The following MYL1 variants were observed in gnomAD, a reference collection of about 807,000 sequenced individuals.
The protein encoded by MYL1 is myosin light chain 1, also known as myosin light chain 1/3, skeletal muscle isoform.
In MYL1, 16 loss-of-function variants were observed where a neutral mutation model predicts 21.8. The ratio of observed to expected loss-of-function variants is 0.74; its 90% CI spans 0.50 to 1.12. The LOEUF (loss-of-function observed/expected upper bound fraction) is 1.12. Ranked by LOEUF, MYL1 falls within the 50% of genes most tolerant of loss-of-function variation. The probability of loss-of-function intolerance (pLI) is 0.00; values close to 1 mark genes in which losing one functional copy is unlikely to be tolerated. For synonymous variants in MYL1, 99 were observed against 85.2 expected (o/e 1.16, Z -0.89); for missense variants, 246 against 241.0 (o/e 1.02, Z -0.14).
intron 4 of MYL1, among the ~76,000 whole-genome samples, 157 bp from the exon 5 acceptor site, chr2:210,293,957 G>C (rs1207161840): frequency 6.6e-6 from 1 of 152,098 alleles, no homozygotes; most frequent in Non-Finnish European, 1.5e-5. Context: ...TCAACTAATT[G>C]GTTTTTGAAT....
Position 210,315,091 on chromosome 2 carries a change from G to T in MYL1, c.-49C>A. The T allele has an allele frequency of 6.3e-7, 1 of 1,582,090 alleles. No homozygotes were observed. The highest frequency in any genetic ancestry group is 8.5e-7 in the Non-Finnish European group (1 of 1,172,452). ...AAAAAGAGAAGGAGTTCCTCCAAAA[G>T]AACCTGTCAAAATGATTCTTGGAAG... On this transcript the variant is annotated 5_prime_UTR_variant, in exon 1 of 7. Coordinates refer to ENST00000352451, the MANE Select transcript of MYL1 (RefSeq NM_079420.3).
At position 210,302,516 on chromosome 2, in the gene MYL1, C is replaced by T; in HGVS notation, c.133-1G>A. The T allele has an allele frequency of 2.5e-6, 4 of 1,609,704 alleles. No individual in the cohort carries two copies. The highest frequency in any genetic ancestry group is 3.4e-6 in the Non-Finnish European group (4 of 1,178,716). ...CCTGCTGTTCCTTAGAGAACTCGAT[C>T]TGTTAGAAAGAAATTGACCACAAAG... On this transcript the variant is annotated splice_acceptor_variant, in intron 1 of 6. Coordinates refer to ENST00000352451, the MANE Select transcript of MYL1 (RefSeq NM_079420.3). LOFTEE classifies it high-confidence loss of function.
intron 2 of MYL1, 72 bp downstream of exon 2, chr2:210,302,416 C>T: frequency 7.0e-7 from 1 of 1,434,298 alleles, no homozygotes; most frequent in South Asian, 1.3e-5. Context: ...AAACTCATCC[C>T]AAGGGAGTTG....
chr2:210,301,601 C>T (rs1255408719), intron 2 of MYL1, among the ~76,000 whole-genome samples: 1 of 151,892 alleles, frequency 6.6e-6, no homozygotes, highest in Non-Finnish European at 1.5e-5. Context: ...CTCCTCCTTC[C>T]ATCTATAGGT....
intron 1 of MYL1, among the ~76,000 whole-genome samples, chr2:210,304,921 C>T (rs1265783387): frequency 6.6e-6 from 1 of 152,186 alleles, no homozygotes; most frequent in Non-Finnish European, 1.5e-5. Context: ...TAGCGGGCAA[C>T]TCCCTTCTGG....
intron 2 of MYL1, among the ~76,000 whole-genome samples, chr2:210,300,719 A>C (rs1466315495): frequency 1.3e-5 from 2 of 152,092 alleles, no homozygotes; most frequent in Admixed American, 1.3e-4. Flanking sequence ...ATTTTTAATT[A>C]ATTAAAGTTT....
At chr2:210,294,439 G>C in intron 3 of MYL1, 21 bp from the exon 4 acceptor site, 2 of 1,608,724 alleles carry the variant, frequency 1.2e-6, no homozygotes, top group African/African-American at 1.3e-5. Flanking sequence ...TTGCAATTTT[G>C]AGGGTTATTA....
intron 3 of MYL1, among the ~76,000 whole-genome samples, chr2:210,295,699 C>T (rs947205198): frequency 3.3e-5 from 5 of 151,102 alleles, no homozygotes; most frequent in Non-Finnish European, 7.4e-5. Context: ...TGGTGGCTCA[C>T]GCCTATAATC....
chr2:210,299,960 A>G (rs558085424), intron 2 of MYL1, among the ~76,000 whole-genome samples: 3 of 152,294 alleles, frequency 2.0e-5, no homozygotes, highest in African/African-American at 7.2e-5. Flanking sequence ...CTGACATTAT[A>G]TTCACAATTC....
intron 5 of MYL1, among the ~76,000 whole-genome samples, chr2:210,292,885 G>A (rs573643653): frequency 2.6e-5 from 4 of 152,164 alleles, no homozygotes; most frequent in Admixed American, 6.5e-5. Flanking sequence ...GTGTATTTAC[G>A]GTAATAGCCA....
chr2:210,302,383 A>G, intron 2 of MYL1, 105 bp downstream of exon 2: 9 of 1,013,870 alleles, frequency 8.9e-6, no homozygotes, highest in Non-Finnish European at 1.1e-5. Flanking sequence ...TGGCAACACC[A>G]GTGGGGATAA....
chr2:210,302,418 A>G, intron 2 of MYL1, 70 bp downstream of exon 2: 1 of 1,441,598 alleles, frequency 6.9e-7, no homozygotes, highest in Non-Finnish European at 9.5e-7. Context: ...ACTCATCCCA[A>G]GGGAGTTGGT....
At chr2:210,309,253 A>G (rs927494004) in intron 1 of MYL1, among the ~76,000 whole-genome samples, 2 of 149,832 alleles carry the variant, frequency 1.3e-5, no homozygotes, top group African/African-American at 5.0e-5. Flanking sequence ...CAAAGGTAAT[A>G]TTAGTCTGAA....
At chr2:210,312,734 T>C (rs1419066786) in intron 1 of MYL1, among the ~76,000 whole-genome samples, 1 of 151,926 alleles carries the variant, frequency 6.6e-6, no homozygotes, top group Non-Finnish European at 1.5e-5. Flanking sequence ...GGTTATTTTT[T>C]TTCCTGTTTC....
At chr2:210,292,247 AT>A (rs1690089059) in intron 5 of MYL1, among the ~76,000 whole-genome samples, 1 of 151,750 alleles carries the variant, frequency 6.6e-6, no homozygotes, top group Non-Finnish European at 1.5e-5. Flanking sequence ...TAATTTTTGT[AT>A]TTTTAGTAGA....
chr2:210,303,603 C>T, intron 1 of MYL1: 3 of 1,599,200 alleles, frequency 1.9e-6, no homozygotes, highest in Admixed American at 3.5e-5. Flanking sequence ...GAGGGCTGCT[C>T]CGGTCCCTGA....
chr2:210,300,373 C>G (rs973978708), intron 2 of MYL1, among the ~76,000 whole-genome samples: 3 of 152,130 alleles, frequency 2.0e-5, no homozygotes, highest in African/African-American at 7.2e-5. Context: ...ATACTATTTT[C>G]CAGGGGCTGG....
chr2:210,303,902 A>C (rs1429340767), intron 1 of MYL1, among the ~76,000 whole-genome samples: 1 of 152,148 alleles, frequency 6.6e-6, no homozygotes, highest in Non-Finnish European at 1.5e-5. Context: ...GTTTGATGGC[A>C]GAAGAGCTTA....
chr2:210,297,260 T>C (rs1690188492), intron 3 of MYL1, among the ~76,000 whole-genome samples: 1 of 152,008 alleles, frequency 6.6e-6, no homozygotes, highest in Non-Finnish European at 1.5e-5. Flanking sequence ...TTTTCCACAA[T>C]GGTTGCACTT....
Sources: allele counts gnomAD v4.1 joint callset (sites outside exome capture counted in the v4.1 genomes callset), GRCh38; gene constraint gnomAD v4.1.1; transcripts MANE v1.5; gene names NCBI Gene and HGNC (gene_info 2026-07-23, HGNC 2026-07-21).